Variants in LTBP3 observed in about 807,000 individuals in gnomAD.
The protein encoded by LTBP3 is latent transforming growth factor beta binding protein 3.
In LTBP3, 97 loss-of-function variants were observed where a neutral mutation model predicts 159.7. The observed-to-expected ratio is 0.61, with a 90% CI of 0.52 to 0.72. The LOEUF is 0.72. Among genes scored for constraint, LTBP3 ranks in the 30% least tolerant of loss-of-function variants. The pLI, the probability that LTBP3 is intolerant of heterozygous loss-of-function variation, is 0.00. For synonymous variants in LTBP3, 824 were observed against 777.1 expected (o/e 1.06, Z -1.00); for missense variants, 1,584 against 1,864.3 (o/e 0.85, Z 2.77).
At chr11:65,539,696 C>T in intron 25 of LTBP3, 24 bp downstream of exon 25, 2 of 1,566,458 alleles carry the variant, frequency 1.3e-6, no homozygotes, top group Non-Finnish European at 1.7e-6. Context: ...TCGCTCCCGG[C>T]CAACTCCTCC....
intron 11 of LTBP3, among the ~76,000 whole-genome samples, chr11:65,549,371 A>G (rs1856507159): frequency 6.6e-6 from 1 of 150,710 alleles, no homozygotes; most frequent in South Asian, 2.1e-4. Context: ...CCTTTTCCCA[A>G]CCTGAATGCC....
rs760385371 is a variant in LTBP3, at chr11:65,547,914, G to A, written c.1846+6C>T. On this transcript the variant is annotated splice_donor_region_variant and intron_variant, in intron 12 of 27. Transcript: ENST00000301873. This position sits in a 1 kb window ranked among gnomAD's most constrained non-coding sequence, Gnocchi z 4.6. ...CCTGCATGCCCGCCGCCTGCCCTGC[G>A]CTCACCCACGCAGTAGCGGTGCTGG... 1.2e-6 allele frequency: 2 copies of A among 1,613,530 alleles called. No individual in the cohort carries two copies. The highest frequency in any genetic ancestry group is 1.3e-5 in the African/African-American group (1 of 74,904).
At chr11:65,541,471 T>TC (rs1232082970) in intron 19 of LTBP3, 129 bp downstream of exon 19, 65 of 1,506,176 alleles carry the variant, frequency 4.3e-5, no homozygotes, top group Non-Finnish European at 5.9e-5. Flanking sequence ...CCCACCAGAC[T>TC]CCCCCAGCCA....
chr11:65,552,420 TG>T lies in LTBP3; in HGVS notation c.1187-15del, dbSNP rs754347924. On this transcript the variant is annotated splice_polypyrimidine_tract_variant and intron_variant, in intron 6 of 27. Transcript: ENST00000301873. This position sits in a 1 kb window ranked among gnomAD's most constrained non-coding sequence, Gnocchi z 6.0. The stretch of plus-strand genomic sequence containing the variant: ...CCGGTTTGTCTGCTGCAGGGGCCAG[TG>T]GGGGGCATGGGCATCTGAGCCTGCA... 15 of 1,611,288 alleles carry T rather than the reference TG, an allele frequency of 9.3e-6. No individual in the cohort carries two copies. The highest frequency in any genetic ancestry group is 1.7e-4 in the Middle Eastern group (1 of 5,970).
Position 65,546,864 on chromosome 11 carries a change from G to A in LTBP3, c.2164C>T (p.Pro722Ser), listed in dbSNP as rs747999473. ...SCPDGKCENK[P>S]GSFKCIACQP... The stretch of plus-strand genomic sequence containing the variant: ...CAGGCGATGCACTTGAAGCTCCCGG[G>A]CTTGTTCTCGCATTTGCCATCCGGG... The change falls in exon 15 of 28, where the codon CCC (proline) becomes TCC (serine). Residue 722 changes from proline (P) to serine (S), a missense_variant. Pro to Ser is a moderately conservative substitution (Grantham distance 74). This residue lies in a region of LTBP3 where 565 missense variants were observed against 677.7 expected (regional missense o/e 0.83). Transcript: ENST00000301873. This position sits in a 1 kb window ranked among gnomAD's most constrained non-coding sequence, Gnocchi z 4.0. The A allele has an allele frequency of 2.5e-6, 4 of 1,612,124 alleles. No homozygotes were observed. Among genetic ancestry groups the A allele is most frequent in the Admixed American group, 3.3e-5 (2 of 60,008 alleles).
chr11:65,554,019 C>T lies in LTBP3; in HGVS notation c.661+32G>A, dbSNP rs1856716236. The T allele has an allele frequency of 6.3e-7, 1 of 1,597,744 alleles. No homozygotes were observed. On this transcript the variant is annotated intron_variant, in intron 2 of 27. Transcript: ENST00000301873. This position sits in a 1 kb window ranked among gnomAD's most constrained non-coding sequence, Gnocchi z 5.3. The stretch of plus-strand genomic sequence containing the variant: ...GGCCACCCTAGTGCCCACCCACTGG[C>T]GACCTTCCCGGGTTTGCCAGTTGCC...
intron 1 of LTBP3, among the ~76,000 whole-genome samples, chr11:65,556,552 C>T (rs558805844): frequency 6.6e-6 from 1 of 152,146 alleles, no homozygotes; most frequent in Non-Finnish European, 1.5e-5. Flanking sequence ...CAAAAACATT[C>T]CCACATACTC....
chr11:65,547,813 C>G lies in LTBP3; in HGVS notation c.1855G>C (p.Glu619Gln), dbSNP rs1321188307. Residue 619 changes from glutamate to glutamine, a missense_variant, in exon 13 of 28, where the codon GAG becomes CAG. Coordinates refer to ENST00000301873, the MANE Select transcript of LTBP3 (RefSeq NM_001130144.3). The surrounding 1 kb of genome is among the most constrained non-coding windows in gnomAD (Gnocchi z 4.6). The stretch of plus-strand genomic sequence containing the variant: ...GGGCCACAGGGCTCTGCCTCGCACT[C>G]GTTCACATCTGAGAAGAACGGGTAG... ...PQHRYCVDVN[E>Q]CEAEPCGPGR... The G allele has an allele frequency of 6.2e-7, 1 of 1,613,196 alleles. No individual in the cohort carries two copies. The highest frequency in any genetic ancestry group is 1.3e-5 in the African/African-American group (1 of 74,906).
At position 65,546,409 on chromosome 11, in the gene LTBP3, G is replaced by A. The variant is rs1343468298; in HGVS notation, c.2353+33C>T. 3.3e-6 allele frequency: 5 copies of A among 1,515,798 alleles called. No individual in the cohort carries two copies. The highest frequency in any genetic ancestry group is 4.4e-6 in the Non-Finnish European group (5 of 1,137,750). 93.9% of individuals were successfully genotyped at this position (1,515,798 alleles called of 1,614,324 possible). A position where few individuals can be genotyped will look rare whatever the true frequency, so the allele number is the denominator to read the frequency against. On this transcript the variant is annotated intron_variant, in intron 16 of 27. Transcript: ENST00000301873. This position sits in a 1 kb window ranked among gnomAD's most constrained non-coding sequence, Gnocchi z 4.0. Reference sequence around the variant, plus strand: ...CCCCGGCTTCAGCGCGTAGGGGGCGGCGGAGGCCCGGGGCGGGGGTGCTGG... The same window carrying A: ...CCCCGGCTTCAGCGCGTAGGGGGCGACGGAGGCCCGGGGCGGGGGTGCTGG...
chr11:65,555,331 G>A (rs1283989487), intron 1 of LTBP3, among the ~76,000 whole-genome samples: 2 of 151,926 alleles, frequency 1.3e-5, no homozygotes, highest in Non-Finnish European at 2.9e-5. Context: ...GCACACCCCA[G>A]GACCCATCTC....
At chr11:65,541,839 A>G in intron 18 of LTBP3, 111 bp from the exon 19 acceptor site, 2 of 1,269,544 alleles carry the variant, frequency 1.6e-6, no homozygotes, top group Non-Finnish European at 1.1e-6. Context: ...GTTTCAAAGT[A>G]TGTACAGCAG....
chr11:65,548,278 C>T (rs111585004), intron 11 of LTBP3: 38 of 641,776 alleles, frequency 5.9e-5, no homozygotes, highest in Middle Eastern at 8.4e-4. Context: ...CACCCAGGCC[C>T]GGATACTTCC....
chr11:65,539,183 C>G lies in LTBP3; in HGVS notation c.3809G>C (p.Ser1270Thr). 1.3e-6 allele frequency: 2 copies of G among 1,519,932 alleles called. No homozygotes were observed. Among genetic ancestry groups the G allele is most frequent in the Non-Finnish European group, 1.8e-6 (2 of 1,130,146 alleles). 94.2% of individuals were successfully genotyped at this position (1,519,932 alleles called of 1,614,324 possible). The change falls in exon 28 of 28, where the codon AGC becomes ACC. Residue 1270 changes from serine to threonine, a missense_variant. Coordinates refer to ENST00000301873, the MANE Select transcript of LTBP3 (RefSeq NM_001130144.3). ...GCCGCTGGTGTTCACGCAGCGCTCG[C>G]TCTTGCACAGCAGCCCGCGCTGGTT... The part of the protein sequence containing the change: ...ELNQRGLLCK[S>T]ERCVNTSGSF...
intron 27 of LTBP3, 32 bp from the exon 28 acceptor site, chr11:65,539,263 T>C: frequency 5.3e-6 from 8 of 1,519,322 alleles, no homozygotes; most frequent in Non-Finnish European, 7.1e-6. Context: ...GCGGCTTCGC[T>C]GAGCCTCCAG....
rs1410153655 is a variant in LTBP3 at position 65,540,012 on chromosome 11, C to A, written c.3385+1G>T. ...CGGCCAAGGCCAACCCTCGCCCTCA[C>A]CGGCCGGGCTCTCGGGGAGCTGGCA... On this transcript the variant is annotated splice_donor_variant, in intron 24 of 27. Transcript: ENST00000301873. LOFTEE classifies it high-confidence loss of function. The A allele has an allele frequency of 1.3e-6, 2 of 1,494,904 alleles. No homozygotes were observed. Among genetic ancestry groups the A allele is most frequent in the Non-Finnish European group, 1.8e-6 (2 of 1,128,234 alleles). 92.6% of individuals were successfully genotyped at this position (1,494,904 alleles called of 1,614,324 possible). A position where few individuals can be genotyped will look rare whatever the true frequency, so the allele number is the denominator to read the frequency against.
In LTBP3 at chr11:65,557,702, C is replaced by T; in HGVS notation, c.258G>A (p.Gln86=). The T allele has an allele frequency of 6.2e-7, 1 of 1,610,324 alleles. No homozygotes were observed. Among genetic ancestry groups the T allele is most frequent in the Non-Finnish European group, 8.5e-7 (1 of 1,179,900 alleles). The change falls in exon 1 of 28, where the codon CAG becomes CAA. Residue 86 remains glutamine (Q), a synonymous_variant. Transcript: ENST00000301873. ...CTCCGATGAGCGTCATGTTGGAGCC[C>T]TGCTGACAACTGTCCCGACACTGGC... The part of the protein sequence containing the change: ...LKGQCRDSCQ[Q]GSNMTLIGEN...
chr11:65,541,476 C>A (rs1856135251), intron 19 of LTBP3, 124 bp downstream of exon 19: 2 of 1,530,972 alleles, frequency 1.3e-6, no homozygotes, highest in Non-Finnish European at 1.8e-6. Flanking sequence ...CAGACTCCCC[C>A]AGCCAAAAGA....
rs1463898083 is a variant in LTBP3 at position 65,551,161 on chromosome 11, C to T, written c.1685G>A (p.Arg562His). The T allele has an allele frequency of 1.9e-6, 3 of 1,553,732 alleles. No homozygotes were observed. Among genetic ancestry groups the T allele is most frequent in the Admixed American group, 1.9e-5 (1 of 51,504 alleles). ...AGTGGGAGCGATCTCTACGGCGCTG[C>T]GGGAAGGAGGCAAGTCCGGCAGGAA... ...RWFLPDLPPS[R>H]SAVEIAPTQV... The change falls in exon 11 of 28, where the codon CGC (arginine) becomes CAC (histidine). Residue 562 changes from arginine (R) to histidine (H), a missense_variant. Physicochemically the swap from Arg to His is conservative, Grantham distance 29. Coordinates refer to ENST00000301873, the MANE Select transcript of LTBP3 (RefSeq NM_001130144.3).
In LTBP3 at chr11:65,539,810, C is replaced by A. The variant is rs1468592892; in HGVS notation, c.3457G>T (p.Ala1153Ser). ...GEDGMCAGPL[A>S]GPALTFDDCC... ...TCGTCGAAGGTGAGGGCAGGCCCGG[C>A]CAGGGGGCCAGCGCACATGCCGTCC... The change falls in exon 25 of 28, where the codon GCC (alanine) becomes TCC (serine). Residue 1153 changes from alanine to serine, a missense_variant. Physicochemically the swap from Ala to Ser is moderately conservative, Grantham distance 99. This residue lies in a region of LTBP3 where 514 missense variants were observed against 530.3 expected (regional missense o/e 0.97). Coordinates refer to ENST00000301873, the MANE Select transcript of LTBP3 (RefSeq NM_001130144.3). The A allele has an allele frequency of 6.5e-7, 1 of 1,534,740 alleles. No homozygotes were observed. The highest frequency in any genetic ancestry group is 2.0e-5 in the Admixed American group (1 of 50,684).
Sources: gnomAD v4.1 joint callset for allele counts (sites outside exome capture counted in the v4.1 genomes callset) on GRCh38, gnomAD v4.1.1 for gene constraint, gnomAD v4.1.1 regional missense constraint, Gnocchi (gnomAD v3.1) non-coding constraint, MANE v1.5 for transcripts, NCBI Gene and HGNC (gene_info 2026-07-23, HGNC 2026-07-21) for gene names.